The following RPS6KC1 variants were observed in gnomAD, a reference collection of about 807,000 sequenced individuals.
The protein encoded by RPS6KC1 is inactive ribosomal protein S6 kinase delta-1.
A neutral mutation model predicts 103.8 loss-of-function variants in RPS6KC1; 54 were observed. The observed-to-expected ratio is 0.52, with a 90% confidence interval of 0.42 to 0.65. The LOEUF is 0.65. Among genes scored for constraint, RPS6KC1 ranks in the 30% least tolerant of loss-of-function variants. The probability of loss-of-function intolerance (pLI) is 0.00; values close to 1 mark genes in which losing one functional copy is unlikely to be tolerated. For missense variants in RPS6KC1, 1,151 were observed against 1,253.8 expected, an observed-to-expected ratio of 0.92 and a Z score of 1.24; for synonymous variants, 439 against 438.7, an observed-to-expected ratio of 1.00 and a Z score of -0.01.
chr1:213,756,737 C>G, the RPS6KC1 span, among the ~76,000 whole-genome samples: 1 of 152,070 alleles, frequency 6.6e-6, no homozygotes, highest in African/African-American at 2.4e-5. Flanking sequence ...TCACCTCACC[C>G]TCTCAAGTAT....
the RPS6KC1 span, among the ~76,000 whole-genome samples, chr1:213,622,911 A>G: frequency 2.0e-5 from 3 of 152,176 alleles, no homozygotes; most frequent in Admixed American, 2.0e-4. Context: ...CTACAAAGCC[A>G]CGGCGTGAGT....
At chr1:213,506,258 G>A in the RPS6KC1 span, among the ~76,000 whole-genome samples, 1 of 152,144 alleles carries the variant, frequency 6.6e-6, no homozygotes, top group Non-Finnish European at 1.5e-5. Flanking sequence ...TGAAGGAGAT[G>A]GATTTTGTGC....
chr1:213,125,907 A>G (rs2084938078), intron 5 of RPS6KC1: 1 of 152,120 alleles, frequency 6.6e-6, no homozygotes, highest in East Asian at 1.9e-4. Flanking sequence ...CAGAGTATAC[A>G]TAACTTTGCC....
At chr1:213,855,300 G>A in the RPS6KC1 span, among the ~76,000 whole-genome samples, 1 of 152,160 alleles carries the variant, frequency 6.6e-6, no homozygotes, top group African/African-American at 2.4e-5. Context: ...TATGAAAAAC[G>A]CTTATCAAGT....
chr1:213,108,279 G>T (rs1479565637), intron 4 of RPS6KC1, among the ~76,000 whole-genome samples: 2 of 152,094 alleles, frequency 1.3e-5, no homozygotes, highest in African/African-American at 4.8e-5. Flanking sequence ...ACGGTGTGAA[G>T]GAACGGTCTA....
At chr1:213,098,601 T>C (rs1022732717) in intron 3 of RPS6KC1, among the ~76,000 whole-genome samples, 1 of 152,112 alleles carries the variant, frequency 6.6e-6, no homozygotes, top group African/African-American at 2.4e-5. Context: ...AGCTGGTTGG[T>C]GGAGCAGTCA....
the RPS6KC1 span, among the ~76,000 whole-genome samples, chr1:213,327,053 T>C: frequency 2.6e-5 from 4 of 151,782 alleles, no homozygotes. Flanking sequence ...TTTTTTTTTT[T>C]TTAATTTTCT....
At chr1:213,702,032 T>C in the RPS6KC1 span, among the ~76,000 whole-genome samples, 1 of 152,044 alleles carries the variant, frequency 6.6e-6, no homozygotes, top group Non-Finnish European at 1.5e-5. Context: ...TTTTCTTTTT[T>C]CTTGATGTAG....
At chr1:213,444,213 A>G in the RPS6KC1 span, among the ~76,000 whole-genome samples, 124 of 152,130 alleles carry the variant, frequency 8.2e-4, no homozygotes, top group African/African-American at 3.0e-3. Flanking sequence ...TCCCCTTTTC[A>G]TAAGGACACC....
the RPS6KC1 span, among the ~76,000 whole-genome samples, chr1:213,728,243 G>A: frequency 2.0e-5 from 3 of 152,206 alleles, no homozygotes; most frequent in African/African-American, 7.2e-5. Flanking sequence ...GAAATTATCT[G>A]AGGGGCTAGA....
the RPS6KC1 span, among the ~76,000 whole-genome samples, chr1:213,692,657 G>A: frequency 0.014 from 2,180 of 152,214 alleles, 24 homozygotes; most frequent in Non-Finnish European, 0.022. Context: ...GCTCACTTGA[G>A]ATATTATTCC....
intron 6 of RPS6KC1, among the ~76,000 whole-genome samples, chr1:213,164,522 A>G (rs550391086): frequency 6.2e-4 from 94 of 152,340 alleles, no homozygotes; most frequent in African/African-American, 2.2e-3. Flanking sequence ...TTTTTAACAT[A>G]AAGGTTATTA....
the RPS6KC1 span, among the ~76,000 whole-genome samples, chr1:213,280,560 C>G: frequency 3.3e-4 from 50 of 152,108 alleles, no homozygotes; most frequent in Non-Finnish European, 6.0e-4. Context: ...TCTGTGTTTT[C>G]TTTAAAACTG....
intron 1 of RPS6KC1, among the ~76,000 whole-genome samples, chr1:213,061,300 C>T (rs957659468): frequency 6.6e-6 from 1 of 152,166 alleles, no homozygotes; most frequent in East Asian, 1.9e-4. Context: ...AAATTTGTCC[C>T]ATTGACTTAT....
At chr1:213,815,222 T>C in the RPS6KC1 span, among the ~76,000 whole-genome samples, 1 of 152,216 alleles carries the variant, frequency 6.6e-6, no homozygotes, top group African/African-American at 2.4e-5. Flanking sequence ...TCCACCATGA[T>C]TGTAAGCTTC....
In RPS6KC1 at chr1:213,241,426, C is replaced by T. The variant is rs750698759; in HGVS notation, c.1950C>T (p.Ser650=). The T allele has an allele frequency of 2.5e-6, 4 of 1,613,932 alleles. No homozygotes were observed. Among genetic ancestry groups the T allele is most frequent in the African/African-American group, 1.3e-5 (1 of 75,032 alleles). Residue 650 remains serine, a synonymous_variant, in exon 11 of 15, where the codon AGC becomes AGT. Coordinates refer to ENST00000366960, the MANE Select transcript of RPS6KC1 (RefSeq NM_012424.6). ...SASRSFNTSE[S]KVEFKAQDTI... ...CTAGGAGTTTTAATACTAGTGAAAGCAAGGTAGAGTTTAAAGCTCAGGACA... is the reference window on the plus strand; with the variant it reads ...CTAGGAGTTTTAATACTAGTGAAAGTAAGGTAGAGTTTAAAGCTCAGGACA...
the RPS6KC1 span, among the ~76,000 whole-genome samples, chr1:213,647,316 A>G: frequency 1.3e-5 from 2 of 152,196 alleles, no homozygotes; most frequent in Non-Finnish European, 2.9e-5. Flanking sequence ...TAGATAGCCA[A>G]ATACCAATAG....
At chr1:213,142,575 G>A (rs1558405439) in intron 6 of RPS6KC1, among the ~76,000 whole-genome samples, 1 of 151,948 alleles carries the variant, frequency 6.6e-6, no homozygotes, top group Non-Finnish European at 1.5e-5. Flanking sequence ...TTTGTAAAGG[G>A]TCTTTGCTTG....
chr1:213,660,365 C>A, the RPS6KC1 span, among the ~76,000 whole-genome samples: 1 of 152,214 alleles, frequency 6.6e-6, no homozygotes, highest in African/African-American at 2.4e-5. Context: ...ACTCTACCCT[C>A]CTCATTGGAA....
Sources: gnomAD v4.1 joint callset for allele counts (sites outside exome capture counted in the v4.1 genomes callset) on GRCh38, gnomAD v4.1.1 for gene constraint, MANE v1.5 for transcripts, NCBI Gene and HGNC (gene_info 2026-07-23, HGNC 2026-07-21) for gene names.